Variants in LIMA1 observed in about 807,000 individuals in gnomAD.
LIMA1 encodes the protein LIM domain and actin binding 1, also known as LIM domain and actin-binding protein 1.
A neutral mutation model predicts 62.6 loss-of-function variants in LIMA1; 52 were observed. That is an observed-to-expected ratio of 0.83 (90% CI 0.67 to 1.05). The LOEUF is 1.05. LIMA1 is among the 50% of genes least tolerant of loss of function. LIMA1 has a pLI of 0.00. For missense variants in LIMA1, 780 were observed against 902.2 expected (o/e 0.86, Z 1.74); for synonymous variants, 302 against 317.8 (o/e 0.95, Z 0.53).
intron 4 of LIMA1, 94 bp from the exon 5 acceptor site, chr12:50,206,162 A>AATCTG: frequency 1.1e-6 from 1 of 906,318 alleles, no homozygotes; most frequent in Non-Finnish European, 1.7e-6. Context: ...AATAAAATCC[A>AATCTG]GATTTGATTT....
At chr12:50,185,909 A>T (rs1038588538) in intron 9 of LIMA1, 1 of 157,710 alleles carries the variant, frequency 6.3e-6, no homozygotes, top group African/African-American at 2.4e-5. Flanking sequence ...TCTCACATCA[A>T]CCCTTTTCAA....
intron 9 of LIMA1, 104 bp from the exon 10 acceptor site, chr12:50,182,141 C>T: frequency 7.9e-7 from 1 of 1,270,396 alleles, no homozygotes; most frequent in Non-Finnish European, 1.1e-6. Context: ...CTTAGCTGGT[C>T]AGTCAATTCT....
chr12:50,183,030 C>G (rs1054722323), intron 9 of LIMA1, among the ~76,000 whole-genome samples: 1 of 151,940 alleles, frequency 6.6e-6, no homozygotes. Context: ...GGTGAAACCC[C>G]GTCTCCAGTA....
intron 10 of LIMA1, among the ~76,000 whole-genome samples, chr12:50,179,546 T>G (rs1592489284): frequency 1.3e-5 from 2 of 150,994 alleles, no homozygotes; most frequent in Admixed American, 6.6e-5. Flanking sequence ...CACGCCATTC[T>G]CCTGCCTCAG....
intron 1 of LIMA1, among the ~76,000 whole-genome samples, chr12:50,276,981 A>T (rs1942282798): frequency 6.6e-6 from 1 of 152,226 alleles, no homozygotes; most frequent in African/African-American, 2.4e-5. Context: ...AGAAGAGTTT[A>T]TACCAATCTC....
At chr12:50,232,019 C>T (rs908975913) in intron 2 of LIMA1, among the ~76,000 whole-genome samples, 4 of 146,182 alleles carry the variant, frequency 2.7e-5, no homozygotes, top group African/African-American at 7.6e-5. Context: ...CCACCTGCCT[C>T]GGCCTCCCAA....
chr12:50,257,557 T>A (rs1206062491), intron 1 of LIMA1, among the ~76,000 whole-genome samples: 1 of 152,208 alleles, frequency 6.6e-6, no homozygotes, highest in Non-Finnish European at 1.5e-5. Context: ...TGTGATCAAT[T>A]AAGCAGCTGA....
At chr12:50,266,018 A>G (rs1942134801) in intron 1 of LIMA1, among the ~76,000 whole-genome samples, 1 of 152,108 alleles carries the variant, frequency 6.6e-6, no homozygotes, top group Admixed American at 6.5e-5. Context: ...CTCCTCGGTC[A>G]GTGACTGGCC....
intron 1 of LIMA1, among the ~76,000 whole-genome samples, chr12:50,256,921 G>A (rs1048641426): frequency 6.6e-6 from 1 of 152,202 alleles, no homozygotes; most frequent in Non-Finnish European, 1.5e-5. Context: ...CATCATATCA[G>A]AGGGTACGTG....
In LIMA1 at chr12:50,222,262, A is replaced by G. The variant is rs1440897115; in HGVS notation, c.389T>C (p.Leu130Pro). Residue 130 changes from leucine to proline, a missense_variant, in exon 4 of 11, where the codon CTC becomes CCC. Coordinates refer to ENST00000341247, the MANE Select transcript of LIMA1 (RefSeq NM_016357.5). Reference protein sequence around the residue: ...QEEQIHPRSRLRSPPEALVQG... With the variant: ...QEEQIHPRSRPRSPPEALVQG... Reference sequence around the variant, plus strand: ...AACGAGGGCTTCAGGAGGTGACCTGAGTCTAGATCTGGGGTGGATTTGTTC... The same window carrying G: ...AACGAGGGCTTCAGGAGGTGACCTGGGTCTAGATCTGGGGTGGATTTGTTC... The G allele has an allele frequency of 2.5e-6, 4 of 1,614,046 alleles. No individual in the cohort carries two copies. The highest frequency in any genetic ancestry group is 2.5e-6 in the Non-Finnish European group (3 of 1,180,000).
chr12:50,236,058 G>C (rs1320886680), intron 2 of LIMA1, among the ~76,000 whole-genome samples: 4 of 151,830 alleles, frequency 2.6e-5, no homozygotes, highest in African/African-American at 9.7e-5. Flanking sequence ...CCAGCTACTA[G>C]AGAGACTGAG....
intron 4 of LIMA1, among the ~76,000 whole-genome samples, chr12:50,207,700 G>C (rs543413128): frequency 6.6e-6 from 1 of 151,858 alleles, no homozygotes; most frequent in African/African-American, 2.4e-5. Flanking sequence ...ACCAGACTGG[G>C]CAACATGGTG....
chr12:50,240,153 G>A (rs1592547515), intron 2 of LIMA1, among the ~76,000 whole-genome samples: 1 of 152,054 alleles, frequency 6.6e-6, no homozygotes, highest in Non-Finnish European at 1.5e-5. Flanking sequence ...CAGACAAAAG[G>A]AAGGGAGGAA....
chr12:50,220,333 T>C (rs1247759595), intron 4 of LIMA1, among the ~76,000 whole-genome samples: 3 of 152,140 alleles, frequency 2.0e-5, no homozygotes, highest in Non-Finnish European at 4.4e-5. Context: ...ATGCTGGGAT[T>C]ACAGGCTTGA....
chr12:50,257,394 A>G (rs917382545), intron 1 of LIMA1, among the ~76,000 whole-genome samples: 6 of 152,220 alleles, frequency 3.9e-5, no homozygotes, highest in African/African-American at 1.4e-4. Flanking sequence ...ACTGGAGGCT[A>G]TATGAGTAAA....
intron 6 of LIMA1, among the ~76,000 whole-genome samples, chr12:50,202,264 G>A (rs1941066799): frequency 6.6e-6 from 1 of 152,146 alleles, no homozygotes; most frequent in East Asian, 1.9e-4. Flanking sequence ...ACCATATTCT[G>A]TAAGGGGCCT....
At chr12:50,200,668 C>T in intron 7 of LIMA1, 109 bp downstream of exon 7, 1 of 1,265,134 alleles carries the variant, frequency 7.9e-7, no homozygotes. Flanking sequence ...CAGCTGTTAC[C>T]AAATTCCCAG....
rs1940335025 is a variant in LIMA1 at position 50,176,394 on chromosome 12, T to G, written c.*670A>C. 6.6e-6 allele frequency: 1 copy of G among 152,214 alleles called. No homozygotes were observed. Among genetic ancestry groups the G allele is most frequent in the Non-Finnish European group, 1.5e-5 (1 of 68,028 alleles). The allele number at this position is 152,214 out of a possible 1,614,324, so 9.4% of individuals were successfully genotyped here. The stretch of plus-strand genomic sequence containing the variant: ...GCTTATTTGGGAGACAGCAGATCTC[T>G]CTAAGCACCGAAGAGTGTAGGTTGG... On this transcript the variant is annotated 3_prime_UTR_variant, in exon 11 of 11. Transcript: ENST00000341247.
intron 4 of LIMA1, among the ~76,000 whole-genome samples, chr12:50,207,177 G>A (rs1416302723): frequency 1.3e-5 from 2 of 152,022 alleles, no homozygotes; most frequent in African/African-American, 2.4e-5. Flanking sequence ...CGCCCACCTC[G>A]GCCTCCCAAA....
Sources: gnomAD v4.1 joint callset for allele counts (sites outside exome capture counted in the v4.1 genomes callset) on GRCh38, gnomAD v4.1.1 for gene constraint, MANE v1.5 for transcripts, NCBI Gene and HGNC (gene_info 2026-07-23, HGNC 2026-07-21) for gene names.